Variants in KCNH7 observed in about 807,000 individuals in gnomAD.
The protein encoded by KCNH7 is potassium voltage-gated channel subfamily H member 7.
KCNH7 carries 49 observed loss-of-function variants against 120.8 expected under a neutral mutation model. That is an observed-to-expected ratio of 0.41 (90% CI 0.32 to 0.51). The LOEUF (loss-of-function observed/expected upper bound fraction) is 0.51, where lower values mean the gene tolerates loss of function less well. Among genes scored for constraint, KCNH7 ranks in the 20% least tolerant of loss-of-function variants. The probability of loss-of-function intolerance (pLI) is 0.38; values close to 1 mark genes in which losing one functional copy is unlikely to be tolerated. For synonymous variants in KCNH7, 547 were observed against 516.1 expected, an observed-to-expected ratio of 1.06 and a Z score of -0.81; for missense variants, 1,097 against 1,446.6, an observed-to-expected ratio of 0.76 and a Z score of 3.92.
At position 162,674,311 on chromosome 2, in the gene KCNH7, C is replaced by A. The variant is rs147193226; in HGVS notation, c.308-137231G>T. 5.0e-3 allele frequency among the ~76,000 whole-genome samples: 751 copies of A among 151,612 alleles called. 5 individuals are homozygous for A. The highest frequency in any genetic ancestry group is 0.028 in the Middle Eastern group (8 of 290). ...TAATAAGAGACGTGTGAAACCTTTACGGGAAAAGATTTTAAATTTTAATGA... is the reference window on the plus strand; with the variant it reads ...TAATAAGAGACGTGTGAAACCTTTAAGGGAAAAGATTTTAAATTTTAATGA... On this transcript the variant is annotated intron_variant, in intron 2 of 15. Coordinates refer to ENST00000332142, the MANE Select transcript of KCNH7 (RefSeq NM_033272.4).
chr2:162,597,002 A>T (rs1266888402), intron 2 of KCNH7, among the ~76,000 whole-genome samples: 2 of 152,164 alleles, frequency 1.3e-5, no homozygotes, highest in East Asian at 1.9e-4. Context: ...TCAAAGATAT[A>T]TCACTTCACA....
chr2:162,385,654 T>G (rs917036980), intron 12 of KCNH7, among the ~76,000 whole-genome samples: 4 of 151,866 alleles, frequency 2.6e-5, no homozygotes, highest in African/African-American at 9.7e-5. Flanking sequence ...AAGAGACAAA[T>G]CCCAGAACTT....
At chr2:162,431,031 T>C (rs970169583) in intron 8 of KCNH7, among the ~76,000 whole-genome samples, 35 of 152,072 alleles carry the variant, frequency 2.3e-4, no homozygotes, top group Non-Finnish European at 4.3e-4. Context: ...ATCTGGTTAC[T>C]GTACTCTGTA....
At chr2:162,380,611 T>C (rs1686381887) in intron 13 of KCNH7, among the ~76,000 whole-genome samples, 1 of 152,184 alleles carries the variant, frequency 6.6e-6, no homozygotes, top group Non-Finnish European at 1.5e-5. Context: ...TTTCATGTTT[T>C]AATGCTTTCT....
intron 2 of KCNH7, among the ~76,000 whole-genome samples, chr2:162,615,480 C>G (rs1683112528): frequency 6.6e-6 from 1 of 152,098 alleles, no homozygotes; most frequent in South Asian, 2.1e-4. Context: ...CCTCAGGGGT[C>G]AGGGTGGCTT....
chr2:162,807,158 C>A (rs1559142949), intron 2 of KCNH7, among the ~76,000 whole-genome samples: 1 of 150,338 alleles, frequency 6.7e-6, no homozygotes, highest in Admixed American at 6.7e-5. Flanking sequence ...AGCCTATAAT[C>A]CCAGCACTTT....
At chr2:162,722,813 C>CTTTTTT (rs894023630) in intron 2 of KCNH7, among the ~76,000 whole-genome samples, 10 of 85,104 alleles carry the variant, frequency 1.2e-4, no homozygotes, top group Admixed American at 2.4e-4. Context: ...TTCTTTTTTT[C>CTTTTTT]TTTTTTTTTT....
At chr2:162,474,635 G>T (rs552259002) in intron 6 of KCNH7, among the ~76,000 whole-genome samples, 1 of 152,382 alleles carries the variant, frequency 6.6e-6, no homozygotes, top group Non-Finnish European at 1.5e-5. Flanking sequence ...TAAAAAGGCT[G>T]TGGCTTCTGT....
chr2:162,791,032 C>T (rs1354342695), intron 2 of KCNH7, among the ~76,000 whole-genome samples: 2 of 152,088 alleles, frequency 1.3e-5, no homozygotes, highest in African/African-American at 4.8e-5. Flanking sequence ...GTTAAATTGT[C>T]TCTACTCGCA....
intron 2 of KCNH7, among the ~76,000 whole-genome samples, chr2:162,714,186 T>G (rs1230577649): frequency 6.6e-6 from 1 of 152,204 alleles, no homozygotes; most frequent in African/African-American, 2.4e-5. Context: ...GCCAATAGAC[T>G]CCAGCCTGGG....
intron 9 of KCNH7, among the ~76,000 whole-genome samples, chr2:162,401,368 C>A (rs996072202): frequency 5.9e-5 from 9 of 151,816 alleles, no homozygotes; most frequent in African/African-American, 2.2e-4. Flanking sequence ...CCAGTACAAG[C>A]AGACTCATTT....
intron 6 of KCNH7, among the ~76,000 whole-genome samples, chr2:162,499,141 A>G (rs941942006): frequency 6.6e-6 from 1 of 152,140 alleles, no homozygotes; most frequent in African/African-American, 2.4e-5. Flanking sequence ...CAACAAAATA[A>G]TATGTTTCAT....
chr2:162,776,479 G>C (rs73014156), intron 2 of KCNH7, among the ~76,000 whole-genome samples: 5,129 of 152,122 alleles, frequency 0.034, 278 homozygotes, highest in African/African-American at 0.12. Flanking sequence ...TAGTGGTAGA[G>C]ACAGACAAAA....
intron 2 of KCNH7, among the ~76,000 whole-genome samples, chr2:162,548,682 T>A (rs1387441904): frequency 6.6e-6 from 1 of 152,096 alleles, no homozygotes; most frequent in African/African-American, 2.4e-5. Context: ...CCTGCTTTAA[T>A]TGCCAGGAGT....
chr2:162,682,429 G>GAGAC (rs1051926745), intron 2 of KCNH7, among the ~76,000 whole-genome samples: 2 of 151,434 alleles, frequency 1.3e-5, no homozygotes, highest in African/African-American at 4.9e-5. Flanking sequence ...GAGAGAGAGA[G>GAGAC]AGAGAGAGAG....
At chr2:162,380,167 G>A (rs1011861709) in intron 13 of KCNH7, 146 bp from the exon 14 acceptor site, 10 of 888,054 alleles carry the variant, frequency 1.1e-5, no homozygotes, top group Middle Eastern at 2.6e-4. Flanking sequence ...GTGTCCAGGG[G>A]CCACGGCCAG....
intron 2 of KCNH7, among the ~76,000 whole-genome samples, chr2:162,752,500 C>G (rs962077511): frequency 1.3e-5 from 2 of 152,076 alleles, no homozygotes; most frequent in African/African-American, 2.4e-5. Flanking sequence ...TAAGTCAATT[C>G]ATTTCCTATG....
chr2:162,801,303 C>T (rs1684340010), intron 2 of KCNH7, among the ~76,000 whole-genome samples: 1 of 151,444 alleles, frequency 6.6e-6, no homozygotes, highest in Non-Finnish European at 1.5e-5. Flanking sequence ...AATATTTACA[C>T]TTAAATATTT....
intron 2 of KCNH7, among the ~76,000 whole-genome samples, chr2:162,674,208 A>G (rs2105301688): frequency 6.6e-6 from 1 of 151,956 alleles, no homozygotes; most frequent in East Asian, 1.9e-4. Context: ...AATCACATTT[A>G]TATATACTAG....
Sources: gnomAD v4.1 joint callset for allele counts (sites outside exome capture counted in the v4.1 genomes callset) on GRCh38, gnomAD v4.1.1 for gene constraint, MANE v1.5 for transcripts, NCBI Gene and HGNC (gene_info 2026-07-23, HGNC 2026-07-21) for gene names.